The following RNF214 variants were observed in gnomAD, a reference collection of about 807,000 sequenced individuals.
RNF214 encodes the protein ring finger protein 214.
In RNF214, 25 loss-of-function variants were observed where a neutral mutation model predicts 75.9. The observed-to-expected ratio is 0.33, with a 90% CI of 0.24 to 0.46. The LOEUF (loss-of-function observed/expected upper bound fraction) is 0.46. Ranked by LOEUF, RNF214 falls within the 20% of genes least tolerant of loss-of-function variation. The pLI is 1.00. For missense variants in RNF214, 725 were observed against 857.5 expected (o/e 0.85, Z 1.93); for synonymous variants, 314 against 308.8 (o/e 1.02, Z -0.18).
intron 6 of RNF214, among the ~76,000 whole-genome samples, chr11:117,275,436 T>A (rs1170191749): frequency 6.6e-6 from 1 of 151,770 alleles, no homozygotes; most frequent in African/African-American, 2.4e-5. Context: ...AACCAAAAAA[T>A]ACAAAGGATC....
At chr11:117,255,633 A>G (rs1208819384) in intron 6 of RNF214, among the ~76,000 whole-genome samples, 1 of 152,012 alleles carries the variant, frequency 6.6e-6, no homozygotes, top group African/African-American at 2.4e-5. Flanking sequence ...GATTATAGGA[A>G]TGAGCCACTA....
At position 117,239,046 on chromosome 11, in the gene RNF214, C is replaced by T. The variant is rs2079342303; in HGVS notation, c.553C>T (p.Arg185Ter). 1.9e-6 allele frequency: 3 copies of T among 1,613,912 alleles called. No homozygotes were observed. The highest frequency in any genetic ancestry group is 1.3e-5 in the African/African-American group (1 of 74,892). The change falls in exon 3 of 15, where the codon CGA (arginine) becomes TGA (stop). Residue 185 changes from arginine (R) to a stop codon, truncating the protein, a stop_gained. Transcript: ENST00000300650. LOFTEE classifies it high-confidence loss of function. ...TCCAGCAAATGGGGTTGAAGGAGTC[C>T]GAGTGGATCAGGATGATGATCAAGA... ...VSPANGVEGV[R>*]VDQDDDQDSS... is the part of the protein sequence containing the mutation.
Position 117,238,956 on chromosome 11 carries a change from C to G in RNF214, c.463C>G (p.Pro155Ala), listed in dbSNP as rs758291355. The change falls in exon 3 of 15, where the codon CCA (proline) becomes GCA (alanine). Residue 155 changes from proline (P) to alanine (A), a missense_variant. Physicochemically the swap from Pro to Ala is conservative, Grantham distance 27. Around this residue, in one of 2 missense-constraint regions of RNF214, gnomAD observed 362 missense variants for 344.5 expected, o/e 1.05. Transcript: ENST00000300650. ...ASRNCSEEKSPQTSILKEGNR... is the reference protein window; with the variant it reads ...ASRNCSEEKSAQTSILKEGNR... The stretch of plus-strand genomic sequence containing the variant: ...CAGGAATTGCTCTGAAGAGAAATCC[C>G]CACAAACCTCCATCCTAAAGGAAGG... The G allele has an allele frequency of 4.3e-6, 7 of 1,614,052 alleles. No homozygotes were observed. The highest frequency in any genetic ancestry group is 5.9e-6 in the Non-Finnish European group (7 of 1,180,054).
intron 6 of RNF214, among the ~76,000 whole-genome samples, chr11:117,265,452 T>C (rs1323373238): frequency 6.6e-6 from 1 of 152,180 alleles, no homozygotes; most frequent in Non-Finnish European, 1.5e-5. Flanking sequence ...TCATTCTTGT[T>C]GCCCAGGCTG....
chr11:117,285,259 TAC>T lies in RNF214; in HGVS notation c.*110_*111del. 1.4e-6 allele frequency: 1 copy of T among 730,552 alleles called. No homozygotes were observed. The highest frequency in any genetic ancestry group is 2.4e-6 in the Non-Finnish European group (1 of 414,376). 45.3% of individuals were successfully genotyped at this position (730,552 alleles called of 1,614,324 possible). On this transcript the variant is annotated 3_prime_UTR_variant, in exon 15 of 15. Coordinates refer to ENST00000300650, the MANE Select transcript of RNF214 (RefSeq NM_207343.4). ...TACAGTGACATATACTCATGCCATG[TAC>T]ATTTTTATTATATAGGTAATGTGTG...
At position 117,285,275 on chromosome 11, in the gene RNF214, AG is replaced by A. The variant is rs1434143775; in HGVS notation, c.*126del. ...CATGCCATGTACATTTTTATTATAT[AG>A]GTAATGTGTGTATAGAAAGTCTGTA... On this transcript the variant is annotated 3_prime_UTR_variant, in exon 15 of 15. Transcript: ENST00000300650. 1.5e-6 allele frequency: 1 copy of A among 658,538 alleles called. No individual in the cohort carries two copies. Among genetic ancestry groups the A allele is most frequent in the Non-Finnish European group, 2.7e-6 (1 of 368,784 alleles). 40.8% of individuals were successfully genotyped at this position (658,538 alleles called of 1,614,324 possible).
rs369245505 is a variant in RNF214 at position 117,234,338 on chromosome 11, A to G, written c.66A>G (p.Leu22=). The G allele has an allele frequency of 1.4e-5, 23 of 1,614,054 alleles. No individual in the cohort carries two copies. The East Asian group carries it at 1.6e-4, about 11-fold the overall frequency. Residue 22 remains leucine, a synonymous_variant, in exon 2 of 15, where the codon TTA becomes TTG. Coordinates refer to ENST00000300650, the MANE Select transcript of RNF214 (RefSeq NM_207343.4). ...CCAGTCCTCCGGAATCTTCTAGTTT[A>G]TGTGCTTCCAAATCAGACGAAGGTC... The part of the protein sequence containing the change: ...NAPSPPESSS[L]CASKSDEGLP...
rs751012034 is a variant in RNF214 at position 117,281,378 on chromosome 11, G to A, written c.1210G>A (p.Val404Ile). ...GGAGTGGGAGACGAGACTGAATGGA[G>A]TTCGGATAATGAAAAAGAATGTTCG... ...KQEWETRLNG[V>I]RIMKKNVRDQ... The change falls in exon 9 of 15, where the codon GTT (valine) becomes ATT (isoleucine). Residue 404 changes from valine to isoleucine, a missense_variant. Physicochemically the swap from Val to Ile is conservative, Grantham distance 29 (BLOSUM62 3). Around this residue, in one of 2 missense-constraint regions of RNF214, gnomAD observed 363 missense variants for 513.0 expected, o/e 0.71. Transcript: ENST00000300650. 2.9e-5 allele frequency: 46 copies of A among 1,612,942 alleles called. No homozygotes were observed. The highest frequency in any genetic ancestry group is 3.6e-5 in the Non-Finnish European group (42 of 1,179,190).
intron 14 of RNF214, among the ~76,000 whole-genome samples, chr11:117,283,809 T>C (rs1225021430): frequency 6.6e-6 from 1 of 152,074 alleles, no homozygotes; most frequent in Non-Finnish European, 1.5e-5. Context: ...CATGCCATCA[T>C]GCCCAGCTAA....
At chr11:117,277,909 G>A (rs531376134) in intron 6 of RNF214, among the ~76,000 whole-genome samples, 4 of 152,040 alleles carry the variant, frequency 2.6e-5, no homozygotes, top group African/African-American at 9.6e-5. Flanking sequence ...GAGAGGTGGA[G>A]GCTGCAGTGA....
rs1347546758 is a variant in RNF214, at chr11:117,238,717, G to A, written c.224G>A (p.Gly75Asp). 6.2e-7 allele frequency: 1 copy of A among 1,614,050 alleles called. No homozygotes were observed. The highest frequency in any genetic ancestry group is 8.5e-7 in the Non-Finnish European group (1 of 1,180,042). The change falls in exon 3 of 15, where the codon GGT becomes GAT. Residue 75 changes from glycine to aspartate, a missense_variant. By Grantham distance (94) the Gly-to-Asp change is moderately conservative. Coordinates refer to ENST00000300650, the MANE Select transcript of RNF214 (RefSeq NM_207343.4). ...VHLEHSEQNP[G>D]SSAGDTSAAH... ...TTGGAGCACTCAGAGCAGAATCCTG[G>A]TTCATCAGCAGGTGACACCTCAGCA...
chr11:117,255,333 C>G (rs1465424489), intron 6 of RNF214, among the ~76,000 whole-genome samples: 1 of 152,140 alleles, frequency 6.6e-6, no homozygotes, highest in Non-Finnish European at 1.5e-5. Context: ...TTTGCTTCTG[C>G]TATTTCTCCA....
At chr11:117,235,315 G>C (rs750812309) in intron 2 of RNF214, among the ~76,000 whole-genome samples, 1 of 150,796 alleles carries the variant, frequency 6.6e-6, no homozygotes, top group Non-Finnish European at 1.5e-5. Context: ...TCCTGCCTCA[G>C]CCTCCCCAGT....
intron 2 of RNF214, among the ~76,000 whole-genome samples, chr11:117,237,038 C>T (rs138230145): frequency 8.5e-5 from 13 of 152,226 alleles, no homozygotes; most frequent in African/African-American, 1.9e-4. Flanking sequence ...ATTAAGCACC[C>T]GCTCACAGTT....
intron 6 of RNF214, among the ~76,000 whole-genome samples, chr11:117,261,452 C>T (rs368349632): frequency 1.1e-4 from 17 of 152,034 alleles, no homozygotes; most frequent in Admixed American, 7.9e-4. Flanking sequence ...TGGTGGCAGG[C>T]GCCTGTAAAC....
At chr11:117,264,336 A>G (rs1256887556) in intron 6 of RNF214, among the ~76,000 whole-genome samples, 1 of 151,952 alleles carries the variant, frequency 6.6e-6, no homozygotes, top group African/African-American at 2.4e-5. Context: ...AAAAAAAGAA[A>G]ATTGTTTTAG....
Position 117,253,756 on chromosome 11 carries a change from G to A in RNF214, c.959+6808G>A, listed in dbSNP as rs147458204. On this transcript the variant is annotated intron_variant, in intron 6 of 14. Transcript: ENST00000300650. Reference sequence around the variant, plus strand: ...TTGAGAATGGCAGTAAGTAAGGCTCGTGGTGACCCTGTGTTTTAAAAGACA... The same window carrying A: ...TTGAGAATGGCAGTAAGTAAGGCTCATGGTGACCCTGTGTTTTAAAAGACA... Among the ~76,000 whole-genome samples, 999 of 152,278 alleles carry A rather than the reference G, an allele frequency of 6.6e-3. 15 individuals carry two copies. Among genetic ancestry groups the A allele is most frequent in the African/African-American group, 0.023 (938 of 41,554 alleles).
At chr11:117,270,525 G>A (rs567062124) in intron 6 of RNF214, among the ~76,000 whole-genome samples, 35 of 151,596 alleles carry the variant, frequency 2.3e-4, no homozygotes, top group Admixed American at 1.3e-3. Flanking sequence ...TCCACCTCCC[G>A]GGTTCAAGCA....
intron 6 of RNF214, among the ~76,000 whole-genome samples, chr11:117,261,951 A>T (rs1052012916): frequency 2.0e-5 from 3 of 149,506 alleles, no homozygotes; most frequent in African/African-American, 7.4e-5. Flanking sequence ...TGGCCCATTG[A>T]TTTATTTTTT....
Sources: allele counts gnomAD v4.1 joint callset (sites outside exome capture counted in the v4.1 genomes callset), GRCh38; gene constraint gnomAD v4.1.1; regional missense constraint gnomAD v4.1.1; transcripts MANE v1.5; gene names NCBI Gene and HGNC (gene_info 2026-07-23, HGNC 2026-07-21).